GRID2: variants seen among roughly 807,000 people sequenced by gnomAD.
GRID2 encodes the protein glutamate receptor ionotropic, delta-2.
Under a neutral mutation model 114.8 loss-of-function variants are expected in GRID2, and 33 were observed. The ratio of observed to expected loss-of-function variants is 0.29; its 90% CI spans 0.22 to 0.38. GRID2 has a LOEUF of 0.38. Ranked by LOEUF, GRID2 falls within the 10% of genes least tolerant of loss-of-function variation. GRID2 has a pLI of 1.00. For missense variants in GRID2, 1,184 were observed against 1,257.7 expected (o/e 0.94, Z 0.89); for synonymous variants, 505 against 449.9 (o/e 1.12, Z -1.55).
chr4:93,635,006 A>G (rs1393683866), intron 14 of GRID2, among the ~76,000 whole-genome samples: 2 of 152,072 alleles, frequency 1.3e-5, no homozygotes, highest in African/African-American at 2.4e-5. Context: ...TTAGAAAGGC[A>G]GTGATTATTT....
intron 1 of GRID2, among the ~76,000 whole-genome samples, chr4:92,488,769 A>G (rs1723011438): frequency 6.6e-6 from 1 of 152,164 alleles, no homozygotes; most frequent in African/African-American, 2.4e-5. Flanking sequence ...TTCTGCAAGC[A>G]CAGGTCTGAT....
chr4:92,809,751 G>C (rs1398653584), intron 2 of GRID2, among the ~76,000 whole-genome samples: 1 of 151,942 alleles, frequency 6.6e-6, no homozygotes, highest in Non-Finnish European at 1.5e-5. Flanking sequence ...TATCACTATA[G>C]TTGCATTAGT....
At chr4:93,725,200 T>C (rs1224792308) in intron 14 of GRID2, among the ~76,000 whole-genome samples, 1 of 152,180 alleles carries the variant, frequency 6.6e-6, no homozygotes, top group Non-Finnish European at 1.5e-5. Context: ...GTTCTCATTG[T>C]TCAATTCCCA....
At chr4:93,334,581 A>G (rs1560511163) in intron 8 of GRID2, among the ~76,000 whole-genome samples, 1 of 152,240 alleles carries the variant, frequency 6.6e-6, no homozygotes, top group Non-Finnish European at 1.5e-5. Flanking sequence ...TGATAATGCT[A>G]ACATGTAATA....
chr4:92,707,011 T>G (rs2149306146), intron 2 of GRID2, among the ~76,000 whole-genome samples: 1 of 152,252 alleles, frequency 6.6e-6, no homozygotes, highest in East Asian at 1.9e-4. Context: ...TAGGACCACT[T>G]AATTTTACAC....
At chr4:93,707,889 T>G (rs1357994690) in intron 14 of GRID2, among the ~76,000 whole-genome samples, 2 of 151,954 alleles carry the variant, frequency 1.3e-5, no homozygotes, top group Admixed American at 6.6e-5. Flanking sequence ...ATGTTTTGTT[T>G]CCATTTTCAT....
At chr4:92,591,741 G>A (rs1728714578) in intron 2 of GRID2, among the ~76,000 whole-genome samples, 1 of 152,102 alleles carries the variant, frequency 6.6e-6, no homozygotes, top group African/African-American at 2.4e-5. Flanking sequence ...ATAGATATGT[G>A]ATTGGTGGTC....
intron 2 of GRID2, among the ~76,000 whole-genome samples, chr4:92,597,452 G>A (rs76467514): frequency 0.031 from 4,760 of 152,124 alleles, 225 homozygotes; most frequent in African/African-American, 0.11. Flanking sequence ...TTTGTGCTTC[G>A]AGGACTTTTA....
At chr4:92,591,654 G>A (rs1001037447) in intron 2 of GRID2, among the ~76,000 whole-genome samples, 4 of 152,014 alleles carry the variant, frequency 2.6e-5, no homozygotes, top group African/African-American at 7.2e-5. Flanking sequence ...TGCTTGATGC[G>A]CAGGTAACAT....
intron 14 of GRID2, among the ~76,000 whole-genome samples, chr4:93,756,375 T>C (rs1446331819): frequency 6.6e-6 from 1 of 152,170 alleles, no homozygotes; most frequent in East Asian, 1.9e-4. Context: ...GCCCAGGCTT[T>C]CCAAACAAAA....
intron 13 of GRID2, among the ~76,000 whole-genome samples, chr4:93,565,997 A>C (rs1165057734): frequency 6.6e-6 from 1 of 152,190 alleles, no homozygotes; most frequent in Admixed American, 6.6e-5. Context: ...AGTTCAATGC[A>C]GTGGTGGGGG....
intron 8 of GRID2, among the ~76,000 whole-genome samples, chr4:93,306,886 A>G (rs1037823625): frequency 1.3e-5 from 2 of 152,196 alleles, no homozygotes; most frequent in Non-Finnish European, 2.9e-5. Flanking sequence ...GTAAATTTAA[A>G]TAGTGTTTTT....
chr4:93,217,874 C>G lies in GRID2; in HGVS notation c.963+963C>G, dbSNP rs1293539745. Among the ~76,000 whole-genome samples the G allele has an allele frequency of 1.4e-4, 21 of 151,858 alleles. No homozygotes were observed. In the East Asian group the frequency reaches 3.9e-3, roughly 28 times the overall value. ...TGGCCAATCTTAGAAGTAAGCAAAA[C>G]CTAATATATTTTAGAAACTTGTTCT... On this transcript the variant is annotated intron_variant, in intron 6 of 15. Coordinates refer to ENST00000282020, the MANE Select transcript of GRID2 (RefSeq NM_001510.4).
chr4:93,588,329 T>C (rs1027968266), intron 13 of GRID2, among the ~76,000 whole-genome samples: 23 of 152,154 alleles, frequency 1.5e-4, no homozygotes, highest in Non-Finnish European at 8.8e-5. Context: ...ATAGGTTTTT[T>C]ATACACATTC....
chr4:92,471,995 G>A (rs1579424237), intron 1 of GRID2, among the ~76,000 whole-genome samples: 1 of 57,152 alleles, frequency 1.7e-5, no homozygotes, highest in South Asian at 5.8e-4. Flanking sequence ...GTGCAGTGGC[G>A]GGATCTCGGC....
intron 14 of GRID2, among the ~76,000 whole-genome samples, chr4:93,705,868 A>G (rs1727953727): frequency 1.3e-5 from 2 of 152,036 alleles, no homozygotes; most frequent in Non-Finnish European, 2.9e-5. Context: ...ATGGTCAGAG[A>G]TAGGGGTCTA....
chr4:93,481,574 G>T (rs954751828), intron 11 of GRID2, among the ~76,000 whole-genome samples: 11 of 152,060 alleles, frequency 7.2e-5, no homozygotes, highest in Non-Finnish European at 1.6e-4. Context: ...AGAGCAGTTA[G>T]CTGGAACCAT....
chr4:92,592,984 A>G (rs62310138), intron 2 of GRID2, among the ~76,000 whole-genome samples: 40,913 of 151,900 alleles, frequency 0.27, 5,647 homozygotes, highest in Middle Eastern at 0.37. Flanking sequence ...TTTCTCTCAC[A>G]TGTTTACTGC....
chr4:93,481,711 C>T (rs893041406), intron 11 of GRID2, among the ~76,000 whole-genome samples: 2 of 152,022 alleles, frequency 1.3e-5, no homozygotes, highest in African/African-American at 4.8e-5. Flanking sequence ...AGTTCCATTT[C>T]CCATCAATAT....
Sources: gnomAD v4.1 joint callset for allele counts (sites outside exome capture counted in the v4.1 genomes callset) on GRCh38, gnomAD v4.1.1 for gene constraint, MANE v1.5 for transcripts, NCBI Gene and HGNC (gene_info 2026-07-23, HGNC 2026-07-21) for gene names.